IGSF9B: variants seen among roughly 807,000 people sequenced by gnomAD.
The protein encoded by IGSF9B is protein turtle homolog B.
IGSF9B carries 48 observed loss-of-function variants against 143.7 expected under a neutral mutation model. That is an observed-to-expected ratio of 0.33 (90% CI 0.26 to 0.42). IGSF9B has a LOEUF of 0.42. Among genes scored for constraint, IGSF9B ranks in the 20% least tolerant of loss-of-function variants. IGSF9B has a pLI of 1.00. For synonymous variants in IGSF9B, 903 were observed against 833.1 expected (o/e 1.08, Z -1.44); for missense variants, 1,706 against 1,980.0 (o/e 0.86, Z 2.63).
rs1940096793 is a variant in IGSF9B at position 133,948,353 on chromosome 11, T to TGGAGC, written c.65-2100_65-2096dup. On this transcript the variant is annotated intron_variant, in intron 1 of 19. Coordinates refer to ENST00000533871, the MANE Select transcript of IGSF9B (RefSeq NM_001277285.4). This position sits in a 1 kb window ranked among gnomAD's most constrained non-coding sequence, Gnocchi z 4.7. ...AAGAGCTAAGATCACAGAGTATTTT[T>TGGAGC]GGAGCAGAGCAGAGCATTGCACTCA... is the stretch of plus-strand genomic sequence containing the variant. Among the ~76,000 whole-genome samples the TGGAGC allele has an allele frequency of 6.6e-6, 1 of 152,144 alleles. No homozygotes were observed. Among genetic ancestry groups the TGGAGC allele is most frequent in the Non-Finnish European group, 1.5e-5 (1 of 68,026 alleles).
chr11:133,930,873 G>A, intron 11 of IGSF9B, 111 bp downstream of exon 11: 2 of 1,126,646 alleles, frequency 1.8e-6, no homozygotes, highest in Middle Eastern at 3.0e-4. Context: ...ACTTAGGAAG[G>A]GAGCCCGCAG....
chr11:133,942,522 G>A (rs1015439048), intron 3 of IGSF9B, among the ~76,000 whole-genome samples: 3 of 152,250 alleles, frequency 2.0e-5, no homozygotes, highest in Non-Finnish European at 4.4e-5. Flanking sequence ...TCATACGCAC[G>A]TCCACTGAAT....
In IGSF9B at chr11:133,906,950, T is replaced by G. The variant is rs758141923; in HGVS notation, c.*2119A>C. ...GAGAGACGCCCAAGTGAGCAGCACATCACGACGCGGGGGCAGAGGGTGTGC... is the reference window on the plus strand; with the variant it reads ...GAGAGACGCCCAAGTGAGCAGCACAGCACGACGCGGGGGCAGAGGGTGTGC... On this transcript the variant is annotated 3_prime_UTR_variant, in exon 20 of 20. Transcript: ENST00000533871. Among the ~76,000 whole-genome samples, 1 of 151,918 alleles carries G rather than the reference T, an allele frequency of 6.6e-6. No homozygotes were observed. The highest frequency in any genetic ancestry group is 1.5e-5 in the Non-Finnish European group (1 of 68,002).
intron 15 of IGSF9B, among the ~76,000 whole-genome samples, chr11:133,924,087 T>G (rs1939585314): frequency 6.6e-6 from 1 of 152,242 alleles, no homozygotes; most frequent in Non-Finnish European, 1.5e-5. Context: ...CTACAAGTCC[T>G]GCTGCATGAG....
chr11:133,956,743 A>G lies in IGSF9B; in HGVS notation c.12T>C (p.Tyr4=). 6.5e-7 allele frequency: 1 copy of G among 1,536,570 alleles called. No individual in the cohort carries two copies. Among genetic ancestry groups the G allele is most frequent in the Non-Finnish European group, 8.8e-7 (1 of 1,142,642 alleles). Residue 4 remains tyrosine, a synonymous_variant, in exon 1 of 20, where the codon TAT becomes TAC. Coordinates refer to ENST00000533871, the MANE Select transcript of IGSF9B (RefSeq NM_001277285.4). MIW[Y]VATFIASVIG... The stretch of plus-strand genomic sequence containing the variant: ...TCACACTTGCTATGAAAGTGGCCAC[A>G]TACCAAATCATAGTACTACCGCGCC...
Position 133,931,675 on chromosome 11 carries a change from G to A in IGSF9B, c.1231C>T (p.Pro411Ser). 8.7e-6 allele frequency: 14 copies of A among 1,610,656 alleles called. No individual in the cohort carries two copies. The highest frequency in any genetic ancestry group is 1.2e-5 in the Non-Finnish European group (14 of 1,178,252). ...NTLGTMGQSA[P>S]ARLVLKDPPY... ...CTCACCTTCAGGACAAGCCTCGCAG[G>A]GGCAGACTGGCCCATGGTCCCCAGA... is the stretch of plus-strand genomic sequence containing the variant. Residue 411 changes from proline to serine, a missense_variant, in exon 9 of 20, where the codon CCT becomes TCT. Pro to Ser is a moderately conservative substitution (Grantham distance 74). This residue lies in a region of IGSF9B where 238 missense variants were observed against 452.6 expected (regional missense o/e 0.53). Coordinates refer to ENST00000533871, the MANE Select transcript of IGSF9B (RefSeq NM_001277285.4). This position sits in a 1 kb window ranked among gnomAD's most constrained non-coding sequence, Gnocchi z 7.7.
chr11:133,926,593 AG>A (rs1177814932), intron 13 of IGSF9B, among the ~76,000 whole-genome samples: 1 of 152,258 alleles, frequency 6.6e-6, no homozygotes, highest in African/African-American at 2.4e-5. Flanking sequence ...GCCAGAGGCC[AG>A]AACCGGCAGG....
rs980126699 is a variant in IGSF9B, at chr11:133,932,219, T to C, written c.968-6A>G. On this transcript the variant is annotated splice_region_variant and splice_polypyrimidine_tract_variant and intron_variant, in intron 7 of 19. Transcript: ENST00000533871. The stretch of plus-strand genomic sequence containing the variant: ...GTTGAGGACACGCGCTGGGTCTGCA[T>C]AGAGGAAGCGCAGGTGAGAGAGCAG... The C allele has an allele frequency of 1.1e-5, 17 of 1,552,632 alleles. No individual in the cohort carries two copies. Among genetic ancestry groups the C allele is most frequent in the Non-Finnish European group, 1.4e-5 (16 of 1,147,780 alleles).
intron 3 of IGSF9B, 89 bp downstream of exon 3, chr11:133,944,131 A>C: frequency 7.1e-7 from 1 of 1,400,126 alleles, no homozygotes; most frequent in Non-Finnish European, 9.6e-7. Flanking sequence ...AGTTGGGAGA[A>C]GGGCTTCCCC....
chr11:133,936,342 C>A (rs1243499259), intron 5 of IGSF9B, 148 bp from the exon 6 acceptor site: 11 of 716,180 alleles, frequency 1.5e-5, no homozygotes, highest in Non-Finnish European at 2.3e-5. Context: ...CAGATGCTAT[C>A]TGTGCTCAGG....
chr11:133,944,123 T>C (rs1336438202), intron 3 of IGSF9B, 97 bp downstream of exon 3: 3 of 1,344,108 alleles, frequency 2.2e-6, no homozygotes, highest in Non-Finnish European at 3.0e-6. Context: ...TGAGATGCAG[T>C]TGGGAGAAGG....
intron 1 of IGSF9B, among the ~76,000 whole-genome samples, chr11:133,955,821 T>A (rs1940240182): frequency 6.6e-6 from 1 of 151,572 alleles, no homozygotes; most frequent in Non-Finnish European, 1.5e-5. Flanking sequence ...CTCCCCCAGC[T>A]CAGACCCAGG....
chr11:133,905,869 T>A lies in IGSF9B; in HGVS notation c.*3200A>T, dbSNP rs2121260329. Among the ~76,000 whole-genome samples, 1 of 152,328 alleles carries A rather than the reference T, an allele frequency of 6.6e-6. No individual in the cohort carries two copies. The highest frequency in any genetic ancestry group is 2.4e-5 in the African/African-American group (1 of 41,580). ...AGCCCACCAGCAAATCAAGACAGGC[T>A]TCGCCTCTCTGCCTCGTCGTACATC... On this transcript the variant is annotated 3_prime_UTR_variant, in exon 20 of 20. Transcript: ENST00000533871. The surrounding 1 kb of genome is among the most constrained non-coding windows in gnomAD (Gnocchi z 4.0).
rs139355948 is a variant in IGSF9B at position 133,948,561 on chromosome 11, G to A, written c.65-2303C>T. On this transcript the variant is annotated intron_variant, in intron 1 of 19. Transcript: ENST00000533871. This position sits in a 1 kb window ranked among gnomAD's most constrained non-coding sequence, Gnocchi z 4.7. ...TCCCAGCAGCCAGGATCACAAAGGCGGATGCTGGACCAAGAGGAATGGGTG... is the reference window on the plus strand; with the variant it reads ...TCCCAGCAGCCAGGATCACAAAGGCAGATGCTGGACCAAGAGGAATGGGTG... 5.3e-5 allele frequency among the ~76,000 whole-genome samples: 8 copies of A among 151,798 alleles called. No homozygotes were observed. Among genetic ancestry groups the A allele is most frequent in the African/African-American group, 1.4e-4 (6 of 41,416 alleles).
At chr11:133,943,933 G>A (rs953299699) in intron 3 of IGSF9B, among the ~76,000 whole-genome samples, 1 of 152,208 alleles carries the variant, frequency 6.6e-6, no homozygotes, top group African/African-American at 2.4e-5. Context: ...CAGCCCTCCT[G>A]GTTTGAAGTA....
chr11:133,909,417 G>T lies in IGSF9B; in HGVS notation c.4106-140C>A. 1 of 711,340 alleles carries T rather than the reference G, an allele frequency of 1.4e-6. No individual in the cohort carries two copies. Among genetic ancestry groups the T allele is most frequent in the Non-Finnish European group, 2.3e-6 (1 of 430,366 alleles). 44.1% of individuals were successfully genotyped at this position (711,340 alleles called of 1,614,324 possible). On this transcript the variant is annotated intron_variant, in intron 19 of 19. Coordinates refer to ENST00000533871, the MANE Select transcript of IGSF9B (RefSeq NM_001277285.4). This position sits in a 1 kb window ranked among gnomAD's most constrained non-coding sequence, Gnocchi z 4.2. ...GAATCACCTGAGTCTAGAGAGACCA[G>T]ACCGAATTGCTGCAGAGAAACCACC...
In IGSF9B at chr11:133,931,075, A is replaced by G; in HGVS notation, c.1428T>C (p.Arg476=). The change falls in exon 11 of 20, where the codon CGT becomes CGC. Residue 476 remains arginine, a synonymous_variant. Coordinates refer to ENST00000533871, the MANE Select transcript of IGSF9B (RefSeq NM_001277285.4). The surrounding 1 kb of genome is among the most constrained non-coding windows in gnomAD (Gnocchi z 7.7). ...CCCCGTGGTCCTCCTTACTCAGGGC[A>G]CGGAACTGCAGGCTCCCACTGGGCA... is the stretch of plus-strand genomic sequence containing the variant. ...SALPSGSLQF[R]ALSKEDHGEW... is the part of the protein sequence containing the mutation. 4 of 1,613,766 alleles carry G rather than the reference A, an allele frequency of 2.5e-6. No homozygotes were observed. The highest frequency in any genetic ancestry group is 3.4e-6 in the Non-Finnish European group (4 of 1,179,796).
At chr11:133,926,663 G>A (rs936608541) in intron 13 of IGSF9B, among the ~76,000 whole-genome samples, 6 of 152,364 alleles carry the variant, frequency 3.9e-5, no homozygotes, top group Middle Eastern at 3.4e-3. Flanking sequence ...GGCCTGACAA[G>A]GAAAGAGAAA....
intron 3 of IGSF9B, among the ~76,000 whole-genome samples, chr11:133,942,827 A>G (rs760109327): frequency 1.3e-5 from 2 of 152,172 alleles, no homozygotes; most frequent in Non-Finnish European, 2.9e-5. Context: ...AAGATTTCAA[A>G]TATGCTTCAA....
Sources: gnomAD v4.1 joint callset for allele counts (sites outside exome capture counted in the v4.1 genomes callset) on GRCh38, gnomAD v4.1.1 for gene constraint, gnomAD v4.1.1 regional missense constraint, Gnocchi (gnomAD v3.1) non-coding constraint, MANE v1.5 for transcripts, NCBI Gene and HGNC (gene_info 2026-07-23, HGNC 2026-07-21) for gene names.